CTNND2: variants seen among roughly 807,000 people sequenced by gnomAD.
The protein encoded by CTNND2 is catenin delta-2.
In CTNND2, 22 loss-of-function variants were observed where a neutral mutation model predicts 144.4. That is an observed-to-expected ratio of 0.15 (90% CI 0.11 to 0.22). CTNND2 has a LOEUF of 0.22. Among genes scored for constraint, CTNND2 ranks in the 10% least tolerant of loss-of-function variants. The pLI, the probability that CTNND2 is intolerant of heterozygous loss-of-function variation, is 1.00. For synonymous variants in CTNND2, 751 were observed against 695.6 expected, an observed-to-expected ratio of 1.08 and a Z score of -1.25; for missense variants, 1,353 against 1,618.8, an observed-to-expected ratio of 0.84 and a Z score of 2.82.
In CTNND2 at chr5:11,461,135, T is replaced by C. The variant is rs541567629; in HGVS notation, c.288-49066A>G. Among the ~76,000 whole-genome samples, 3 of 152,232 alleles carry C rather than the reference T, an allele frequency of 2.0e-5. No individual in the cohort carries two copies. The South Asian group carries it at 6.2e-4, about 32-fold the overall frequency. On this transcript the variant is annotated intron_variant, in intron 3 of 21. Transcript: ENST00000304623. ...TTATTTTCTTTCTCCCCTCACTAGATGTAACCCTCATGAAGGCAGGGACTT... is the reference window on the plus strand; with the variant it reads ...TTATTTTCTTTCTCCCCTCACTAGACGTAACCCTCATGAAGGCAGGGACTT...
At chr5:11,514,304 G>A (rs1192114136) in intron 3 of CTNND2, among the ~76,000 whole-genome samples, 1 of 151,948 alleles carries the variant, frequency 6.6e-6, no homozygotes, top group Admixed American at 6.6e-5. Context: ...TTAAAATAAA[G>A]CCTAATACCT....
intron 15 of CTNND2, among the ~76,000 whole-genome samples, chr5:11,089,185 A>G (rs1375181842): frequency 6.6e-6 from 1 of 152,212 alleles, no homozygotes; most frequent in Non-Finnish European, 1.5e-5. Flanking sequence ...CTGTGACATC[A>G]GGAGAAAATA....
intron 2 of CTNND2, among the ~76,000 whole-genome samples, chr5:11,651,876 T>A (rs1782660660): frequency 6.6e-6 from 1 of 152,204 alleles, no homozygotes; most frequent in Admixed American, 6.5e-5. Context: ...TTTGTTTTTA[T>A]TTTATTTATT....
intron 9 of CTNND2, among the ~76,000 whole-genome samples, chr5:11,272,071 T>C (rs1450720736): frequency 6.6e-6 from 1 of 152,180 alleles, no homozygotes; most frequent in Non-Finnish European, 1.5e-5. Flanking sequence ...ATAATTTCCA[T>C]GTTTCTAAAA....
chr5:11,085,325 A>G (rs1750014774), intron 15 of CTNND2, among the ~76,000 whole-genome samples: 1 of 152,238 alleles, frequency 6.6e-6, no homozygotes. Context: ...TGAGACATAG[A>G]AAATAGCTTT....
intron 10 of CTNND2, among the ~76,000 whole-genome samples, chr5:11,224,135 G>T (rs919542472): frequency 6.6e-6 from 1 of 152,038 alleles, no homozygotes; most frequent in Non-Finnish European, 1.5e-5. Context: ...AGCGGTATTT[G>T]TCCTCTTTAG....
At chr5:11,421,655 G>A in intron 3 of CTNND2, among the ~76,000 whole-genome samples, 1 of 152,176 alleles carries the variant, frequency 6.6e-6, no homozygotes, top group East Asian at 1.9e-4. Flanking sequence ...GCATGGCGGT[G>A]TCTGCATCTA....
chr5:11,547,668 T>C (rs1323063115), intron 3 of CTNND2, among the ~76,000 whole-genome samples: 1 of 152,206 alleles, frequency 6.6e-6, no homozygotes, highest in Non-Finnish European at 1.5e-5. Flanking sequence ...AAAGTGCTAA[T>C]AATGCCTAAA....
rs151157702 is a variant in CTNND2, at chr5:11,833,703, T to C, written c.37+70114A>G. ...TACTCCCAGCTAATTTTTGTATTTT[T>C]AGTAGAGACAGGGTTTCATCAGGTT... On this transcript the variant is annotated intron_variant, in intron 1 of 21. Transcript: ENST00000304623. Among the ~76,000 whole-genome samples the C allele has an allele frequency of 7.7e-3, 1,179 of 152,204 alleles. 12 individuals carry two copies. Among genetic ancestry groups the C allele is most frequent in the African/African-American group, 0.027 (1,101 of 41,516 alleles).
At chr5:11,046,641 C>T (rs140442949) in intron 16 of CTNND2, among the ~76,000 whole-genome samples, 8 of 152,266 alleles carry the variant, frequency 5.3e-5, no homozygotes, top group South Asian at 4.1e-4. Context: ...TGGAATCCCA[C>T]GGAATTTGCC....
chr5:10,972,694 A>G lies in CTNND2; in HGVS notation c.*759T>C, dbSNP rs61752750. ...GAATGATGTATGTTAATTGTCAGAA[A>G]CTGCTGAATGCCTTGTTTAGTTGTC... On this transcript the variant is annotated 3_prime_UTR_variant, in exon 22 of 22. Transcript: ENST00000304623. 2.0e-3 allele frequency: 306 copies of G among 152,784 alleles called. 1 individual carries two copies. The highest frequency in any genetic ancestry group is 7.0e-3 in the African/African-American group (291 of 41,574). 9.5% of individuals were successfully genotyped at this position (152,784 alleles called of 1,614,324 possible).
chr5:11,646,843 G>T (rs1414634536), intron 2 of CTNND2, among the ~76,000 whole-genome samples: 2 of 152,074 alleles, frequency 1.3e-5, no homozygotes, highest in African/African-American at 4.8e-5. Flanking sequence ...ACCTCCTTCT[G>T]CAACCAGGTG....
intron 12 of CTNND2, among the ~76,000 whole-genome samples, chr5:11,119,825 T>G (rs191744476): frequency 1.3e-5 from 2 of 152,318 alleles, no homozygotes; most frequent in South Asian, 2.1e-4. Context: ...GTGTACACCC[T>G]GATCTGAAAA....
chr5:10,998,070 T>C (rs537901059), intron 18 of CTNND2, among the ~76,000 whole-genome samples: 35 of 152,296 alleles, frequency 2.3e-4, no homozygotes, highest in Non-Finnish European at 3.5e-4. Flanking sequence ...GAAAACTGAG[T>C]GTAATAACAA....
chr5:11,043,393 G>A (rs1221465213), intron 16 of CTNND2, among the ~76,000 whole-genome samples: 1 of 151,960 alleles, frequency 6.6e-6, no homozygotes, highest in Non-Finnish European at 1.5e-5. Context: ...TCATATTGTA[G>A]GCTTATGTCG....
chr5:11,389,685 A>C (rs947350165), intron 6 of CTNND2, among the ~76,000 whole-genome samples: 32 of 152,364 alleles, frequency 2.1e-4, no homozygotes, highest in African/African-American at 7.7e-4. Flanking sequence ...TTGATGCATT[A>C]ATTTACTCAC....
chr5:11,089,326 G>A lies in CTNND2; in HGVS notation c.2638-6480C>T, dbSNP rs12518590. Among the ~76,000 whole-genome samples the A allele has an allele frequency of 3.3e-3, 497 of 152,294 alleles. 2 individuals are homozygous for A. Among genetic ancestry groups the A allele is most frequent in the South Asian group, 0.01 (50 of 4,822 alleles). On this transcript the variant is annotated intron_variant, in intron 15 of 21. Transcript: ENST00000304623. ...AACCCTAGCCCTAAGGCTTTAACAA[G>A]CAATGCTGGAAGTGTGCTTCCTCAC...
At chr5:11,679,775 G>T (rs1449068052) in intron 2 of CTNND2, among the ~76,000 whole-genome samples, 1 of 152,214 alleles carries the variant, frequency 6.6e-6, no homozygotes, top group Non-Finnish European at 1.5e-5. Flanking sequence ...ACCAGTGGCT[G>T]CTAATGATAT....
At chr5:11,230,217 TGGGGAGG>T (rs1740847974) in intron 10 of CTNND2, among the ~76,000 whole-genome samples, 1 of 44,498 alleles carries the variant, frequency 2.2e-5, no homozygotes, top group African/African-American at 9.5e-5. Context: ...GGGACTGTGG[TGGGGAGG>T]GGGGAGGGGG....
Sources: gnomAD v4.1 joint callset for allele counts (sites outside exome capture counted in the v4.1 genomes callset) on GRCh38, gnomAD v4.1.1 for gene constraint, MANE v1.5 for transcripts, NCBI Gene and HGNC (gene_info 2026-07-23, HGNC 2026-07-21) for gene names.